The following CADPS2 variants were observed in gnomAD, a reference collection of about 807,000 sequenced individuals.
CADPS2 encodes calcium-dependent secretion activator 2.
Under a neutral mutation model 172.5 loss-of-function variants are expected in CADPS2, and 93 were observed. The ratio of observed to expected loss-of-function variants is 0.54; its 90% CI spans 0.46 to 0.64. The LOEUF (loss-of-function observed/expected upper bound fraction) is 0.64, where lower values mean the gene tolerates loss of function less well. CADPS2 is among the 30% of genes least tolerant of loss of function. The pLI is 0.00. For missense variants in CADPS2, 1,420 were observed against 1,565.9 expected (o/e 0.91, Z 1.57); for synonymous variants, 546 against 555.2 (o/e 0.98, Z 0.23).
intron 1 of CADPS2, among the ~76,000 whole-genome samples, chr7:122,762,573 A>G (rs1243644416): frequency 2.0e-5 from 3 of 152,214 alleles, no homozygotes; most frequent in Non-Finnish European, 4.4e-5. Flanking sequence ...TTAAACTATC[A>G]GTTGAGTTGG....
chr7:122,842,881 T>G (rs1200178886), intron 1 of CADPS2, among the ~76,000 whole-genome samples: 1 of 152,154 alleles, frequency 6.6e-6, no homozygotes, highest in Non-Finnish European at 1.5e-5. Context: ...GAGGACAACA[T>G]GATTTTGCTC....
chr7:122,384,469 G>A (rs1044822577), intron 24 of CADPS2, among the ~76,000 whole-genome samples: 9 of 151,962 alleles, frequency 5.9e-5, no homozygotes, highest in South Asian at 2.1e-4. Flanking sequence ...AATGAGGTCC[G>A]CTGGCTCACC....
intron 1 of CADPS2, among the ~76,000 whole-genome samples, chr7:122,867,116 C>T (rs1452059561): frequency 2.6e-5 from 4 of 152,146 alleles, no homozygotes; most frequent in East Asian, 1.9e-4. Context: ...CCTGCTTCTA[C>T]AAGAGGCTTG....
chr7:122,819,256 C>T lies in CADPS2; in HGVS notation c.339+66743G>A, dbSNP rs561662731. The stretch of plus-strand genomic sequence containing the variant: ...GCAGCCCAGGATTCCTCCTAAGCCA[C>T]GTCCCATCTGTGTGGGACCCCACTG... On this transcript the variant is annotated intron_variant, in intron 1 of 29. Coordinates refer to ENST00000449022, the MANE Select transcript of CADPS2 (RefSeq NM_017954.11). 5.3e-5 allele frequency among the ~76,000 whole-genome samples: 8 copies of T among 152,274 alleles called. No homozygotes were observed. In the South Asian group the frequency reaches 6.2e-4, roughly 12 times the overall value.
intron 6 of CADPS2, among the ~76,000 whole-genome samples, chr7:122,583,692 C>T (rs1006751958): frequency 6.6e-6 from 1 of 150,920 alleles, no homozygotes; most frequent in Non-Finnish European, 1.5e-5. Flanking sequence ...TACGTATATA[C>T]ATATGTCCTT....
At chr7:122,689,517 C>A (rs1366234732) in intron 2 of CADPS2, among the ~76,000 whole-genome samples, 3 of 152,186 alleles carry the variant, frequency 2.0e-5, no homozygotes, top group African/African-American at 7.2e-5. Flanking sequence ...GGGATAGAAC[C>A]ACAAGGGGGC....
intron 7 of CADPS2, among the ~76,000 whole-genome samples, chr7:122,559,014 GA>G (rs2065379124): frequency 6.6e-6 from 1 of 152,062 alleles, no homozygotes; most frequent in Admixed American, 6.6e-5. Context: ...TTAGAGAAAG[GA>G]AAAAAGACCC....
At position 122,442,784 on chromosome 7, in the gene CADPS2, GTTTT is replaced by G. The variant is rs148549043; in HGVS notation, c.2289-1213_2289-1210del. Reference sequence around the variant, plus strand: ...ATGTTATATAAATCTAGTCACTCAAGTTTTTTTTTTAACAGAATATCACATTTAT... The same window carrying G: ...ATGTTATATAAATCTAGTCACTCAAGTTTTTTAACAGAATATCACATTTAT... On this transcript the variant is annotated intron_variant, in intron 15 of 29. Coordinates refer to ENST00000449022, the MANE Select transcript of CADPS2 (RefSeq NM_017954.11). Among the ~76,000 whole-genome samples the G allele has an allele frequency of 8.7e-3, 1,299 of 148,594 alleles. 15 individuals carry two copies. Among genetic ancestry groups the G allele is most frequent in the Middle Eastern group, 0.029 (8 of 274 alleles).
chr7:122,849,560 T>C (rs1443885366), intron 1 of CADPS2, among the ~76,000 whole-genome samples: 1 of 152,168 alleles, frequency 6.6e-6, no homozygotes, highest in Non-Finnish European at 1.5e-5. Context: ...TATTCACACT[T>C]TCCAAGCAAA....
intron 1 of CADPS2, among the ~76,000 whole-genome samples, chr7:122,762,411 A>G (rs558678385): frequency 9.2e-5 from 14 of 152,282 alleles, no homozygotes; most frequent in Non-Finnish European, 1.3e-4. Context: ...AGTTCCCAAC[A>G]AGGATGGAAG....
chr7:122,643,623 C>G (rs999811879), intron 3 of CADPS2, among the ~76,000 whole-genome samples: 1 of 152,116 alleles, frequency 6.6e-6, no homozygotes, highest in Non-Finnish European at 1.5e-5. Flanking sequence ...TATGGTTCCC[C>G]TATTTCTGCA....
intron 7 of CADPS2, among the ~76,000 whole-genome samples, chr7:122,572,526 T>C (rs17381835): frequency 0.2 from 30,508 of 152,104 alleles, 4,052 homozygotes; most frequent in Non-Finnish European, 0.3. Flanking sequence ...AGAAAAGTTA[T>C]TTTGGCAAAC....
chr7:122,499,342 T>C (rs2059010397), intron 9 of CADPS2, among the ~76,000 whole-genome samples: 1 of 152,308 alleles, frequency 6.6e-6, no homozygotes, highest in East Asian at 1.9e-4. Context: ...CCTAACAACA[T>C]CAACATCCAC....
At chr7:122,502,855 TTTC>T (rs1333229537) in intron 9 of CADPS2, among the ~76,000 whole-genome samples, 6 of 151,534 alleles carry the variant, frequency 4.0e-5, no homozygotes, top group African/African-American at 9.8e-5. Flanking sequence ...ACTGTATTTT[TTTC>T]TTTTTTTGAG....
At chr7:122,362,485 T>C (rs2040286058) in intron 25 of CADPS2, among the ~76,000 whole-genome samples, 1 of 151,922 alleles carries the variant, frequency 6.6e-6, no homozygotes, top group Admixed American at 6.6e-5. Context: ...TAAAACTTTA[T>C]ATTTCTATGA....
intron 8 of CADPS2, 25 bp from the exon 9 acceptor site, chr7:122,513,340 G>T (rs753119789): frequency 2.7e-6 from 4 of 1,479,606 alleles, no homozygotes; most frequent in Non-Finnish European, 3.7e-6. Context: ...AAAAGCCAAA[G>T]AATACTTCAG....
At chr7:122,344,804 A>C (rs1305326314) in intron 28 of CADPS2, among the ~76,000 whole-genome samples, 2 of 152,194 alleles carry the variant, frequency 1.3e-5, no homozygotes, top group African/African-American at 4.8e-5. Flanking sequence ...AACTAACCTC[A>C]GGTTTTTGAG....
At chr7:122,741,945 G>T (rs951071583) in intron 1 of CADPS2, among the ~76,000 whole-genome samples, 1 of 152,020 alleles carries the variant, frequency 6.6e-6, no homozygotes, top group Non-Finnish European at 1.5e-5. Context: ...TTACCAGTTC[G>T]CTCCAATATC....
At chr7:122,328,321 A>G (rs536534167) in intron 28 of CADPS2, 7 of 152,340 alleles carry the variant, frequency 4.6e-5, no homozygotes, top group African/African-American at 1.7e-4. Flanking sequence ...GGTTCTCTCC[A>G]TTCCCCAATC....
Sources: gnomAD v4.1 joint callset for allele counts (sites outside exome capture counted in the v4.1 genomes callset) on GRCh38, gnomAD v4.1.1 for gene constraint, MANE v1.5 for transcripts, NCBI Gene and HGNC (gene_info 2026-07-23, HGNC 2026-07-21) for gene names.